ECH1: variants seen among roughly 807,000 people sequenced by gnomAD.
ECH1 encodes delta(3,5)-Delta(2,4)-dienoyl-CoA isomerase, mitochondrial.
In ECH1, 30 loss-of-function variants were observed where a neutral mutation model predicts 37.0. The observed-to-expected ratio is 0.81, with a 90% CI of 0.61 to 1.10. The LOEUF is 1.10. Among genes scored for constraint, ECH1 ranks in the 50% least tolerant of loss-of-function variants. The pLI is 0.00. For missense variants in ECH1, 456 were observed against 441.6 expected (o/e 1.03, Z -0.29); for synonymous variants, 178 against 176.0 (o/e 1.01, Z -0.09).
chr19:38,831,301 G>A lies in ECH1; in HGVS notation c.260+8C>T. The A allele has an allele frequency of 6.2e-7, 1 of 1,608,946 alleles. No individual in the cohort carries two copies. The highest frequency in any genetic ancestry group is 1.1e-5 in the South Asian group (1 of 90,676). On this transcript the variant is annotated splice_region_variant and intron_variant, in intron 2 of 9. Transcript: ENST00000221418. Reference sequence around the variant, plus strand: ...CGCAGGCAGGCCTCCAGGATCTGCAGGTCAGACCTCCAGAAGACCTTGTTC... The same window carrying A: ...CGCAGGCAGGCCTCCAGGATCTGCAAGTCAGACCTCCAGAAGACCTTGTTC...
intron 3 of ECH1, chr19:38,818,991 G>A (rs1971622107): frequency 3.0e-6 from 1 of 333,224 alleles, no homozygotes; most frequent in Non-Finnish European, 4.2e-6. Flanking sequence ...GTGTGTGTGT[G>A]TGTGTGTGTG....
Position 38,831,504 on chromosome 19 carries a change from G to T in ECH1, c.65C>A (p.Ser22Tyr). The change falls in exon 2 of 10, where the codon TCC (serine) becomes TAC (tyrosine). Residue 22 changes from serine to tyrosine, a missense_variant. By Grantham distance (144) the Ser-to-Tyr change is moderately radical (BLOSUM62 -2). Coordinates refer to ENST00000221418, the MANE Select transcript of ECH1 (RefSeq NM_001398.3). Reference protein sequence around the residue: ...RDLLTRRLTGSNYPGLSISLR... With the variant: ...RDLLTRRLTGYNYPGLSISLR... ...GCTAATACTGAGTCCCGGGTAGTTG[G>T]AGCCTGTCAGTCCTGGGGAGAAAGG... is the stretch of plus-strand genomic sequence containing the variant. The T allele has an allele frequency of 2.5e-6, 4 of 1,613,820 alleles. No homozygotes were observed. The highest frequency in any genetic ancestry group is 3.4e-6 in the Non-Finnish European group (4 of 1,179,864).
At position 38,815,613 on chromosome 19, in the gene ECH1, T is replaced by G; in HGVS notation, c.987A>C (p.Ter329CysextTer26). Residue 329 changes from the stop codon to cysteine (C), a stop_lost, in exon 10 of 10, where the codon TGA becomes TGC. Coordinates refer to ENST00000221418, the MANE Select transcript of ECH1 (RefSeq NM_001398.3). ...GCTGGGGCCTGGGACGCGAGGGCTC[T>G]CAGAGCTTGGAGAAGGTGACGGTTT... ...ELKTVTFSKL[*>C] The G allele has an allele frequency of 6.2e-7, 1 of 1,614,178 alleles. No homozygotes were observed. Among genetic ancestry groups the G allele is most frequent in the East Asian group, 2.2e-5 (1 of 44,878 alleles).
intron 3 of ECH1, chr19:38,818,493 A>G (rs923430427): frequency 1.6e-6 from 1 of 639,112 alleles, no homozygotes; most frequent in African/African-American, 2.0e-5. Flanking sequence ...TTTTTATTTT[A>G]TTTTTTTTAT....
intron 3 of ECH1, among the ~76,000 whole-genome samples, chr19:38,825,120 C>G (rs1460468106): frequency 6.6e-6 from 1 of 152,198 alleles, no homozygotes; most frequent in Non-Finnish European, 1.5e-5. Flanking sequence ...AAGAATGCAG[C>G]TTTAGCTGCA....
intron 3 of ECH1, among the ~76,000 whole-genome samples, chr19:38,822,630 C>T (rs999544416): frequency 1.3e-5 from 2 of 152,210 alleles, no homozygotes; most frequent in African/African-American, 2.4e-5. Flanking sequence ...ATGCACCAAT[C>T]AGTGCTCTGT....
intron 3 of ECH1, among the ~76,000 whole-genome samples, chr19:38,821,007 G>A (rs951590347): frequency 3.9e-5 from 6 of 152,226 alleles, no homozygotes; most frequent in East Asian, 1.9e-4. Flanking sequence ...GGCTGGGTGC[G>A]GTGGCTCATG....
intron 3 of ECH1, among the ~76,000 whole-genome samples, chr19:38,829,788 C>T (rs2047140032): frequency 6.6e-6 from 1 of 151,462 alleles, no homozygotes; most frequent in Admixed American, 6.6e-5. Context: ...TGCACTCCAG[C>T]CTGGGTGACA....
Position 38,817,008 on chromosome 19 carries a change from C to T in ECH1, c.588+57G>A, listed in dbSNP as rs897543131. On this transcript the variant is annotated intron_variant, in intron 6 of 9. Transcript: ENST00000221418. ...TGAAGCCCTCGAGGCTCACTCCAGG[C>T]CCCCCAACCTCACCCCACTGCCCAG... 7.2e-6 allele frequency: 11 copies of T among 1,537,034 alleles called. No individual in the cohort carries two copies. In the East Asian group the frequency reaches 1.7e-4, roughly 24 times the overall value.
chr19:38,818,527 C>T (rs759518880), intron 3 of ECH1: 9 of 418,100 alleles, frequency 2.2e-5, no homozygotes, highest in South Asian at 2.0e-4. Flanking sequence ...TCGCTCTTGT[C>T]GCCCAGGCTG....
In ECH1 at chr19:38,815,856, C is replaced by T. The variant is rs1193761193; in HGVS notation, c.882+1G>A. On this transcript the variant is annotated splice_donor_variant, in intron 9 of 9. Coordinates refer to ENST00000221418, the MANE Select transcript of ECH1 (RefSeq NM_001398.3). LOFTEE classifies it high-confidence loss of function. ...GTGATTGGTCGGAGCGTGCACCTTACCACGTAGTTGAGGCTCTCGGCCACC... is the reference window on the plus strand; with the variant it reads ...GTGATTGGTCGGAGCGTGCACCTTATCACGTAGTTGAGGCTCTCGGCCACC... 1 of 1,614,058 alleles carries T rather than the reference C, an allele frequency of 6.2e-7. No individual in the cohort carries two copies. The highest frequency in any genetic ancestry group is 8.5e-7 in the Non-Finnish European group (1 of 1,180,040).
At chr19:38,818,388 C>T (rs764520151) in intron 3 of ECH1, 21 of 985,320 alleles carry the variant, frequency 2.1e-5, no homozygotes, top group Non-Finnish European at 2.5e-5. Flanking sequence ...CATGAGCCCA[C>T]CCTGCTCTCC....
At chr19:38,817,033 G>A (rs1441660468) in intron 6 of ECH1, 32 bp downstream of exon 6, 7 of 1,555,512 alleles carry the variant, frequency 4.5e-6, no homozygotes, top group African/African-American at 2.7e-5. Context: ...CCACTGCCCA[G>A]CTCTAAGCAG....
chr19:38,831,432 G>A lies in ECH1; in HGVS notation c.137C>T (p.Ala46Val). 6.2e-7 allele frequency: 1 copy of A among 1,614,074 alleles called. No individual in the cohort carries two copies. The highest frequency in any genetic ancestry group is 8.5e-7 in the Non-Finnish European group (1 of 1,180,020). ...GCTGTGGTCTGGGGCTTCACCGAGG[G>A]CTACTCCGGAAGCCTCCTCTTGTGC... Reference protein sequence around the residue: ...SSAQEEASGVALGEAPDHSYE... With the variant: ...SSAQEEASGVVLGEAPDHSYE... Residue 46 changes from alanine to valine, a missense_variant, in exon 2 of 10, where the codon GCC becomes GTC. Physicochemically the swap from Ala to Val is moderately conservative, Grantham distance 64. Coordinates refer to ENST00000221418, the MANE Select transcript of ECH1 (RefSeq NM_001398.3).
chr19:38,817,283 A>T, intron 5 of ECH1, 33 bp downstream of exon 5: 1 of 1,532,008 alleles, frequency 6.5e-7, no homozygotes, highest in African/African-American at 1.4e-5. Context: ...CCACCTGGGG[A>T]GCACCCGAGC....
chr19:38,824,078 C>T (rs1302755728), intron 3 of ECH1, among the ~76,000 whole-genome samples: 1 of 152,136 alleles, frequency 6.6e-6, no homozygotes. Flanking sequence ...TTGTAGCTTT[C>T]CTATTCATAT....
intron 5 of ECH1, 72 bp downstream of exon 5, chr19:38,817,235 GGCTGGATGC>G: frequency 6.5e-7 from 1 of 1,538,484 alleles, no homozygotes; most frequent in Non-Finnish European, 8.8e-7. Context: ...ACAGAGCTGA[GGCTGGATGC>G]CAGTGGCCGC....
At chr19:38,828,110 C>T (rs539550813) in intron 3 of ECH1, among the ~76,000 whole-genome samples, 2 of 152,278 alleles carry the variant, frequency 1.3e-5, no homozygotes, top group South Asian at 2.1e-4. Context: ...TACCAAAACA[C>T]GAAACTCAAC....
chr19:38,816,656 C>A, intron 6 of ECH1, 133 bp from the exon 7 acceptor site: 1 of 1,109,024 alleles, frequency 9.0e-7, no homozygotes. Context: ...TCCAAAGTCC[C>A]ATTCCATTGC....
Sources: allele counts gnomAD v4.1 joint callset (sites outside exome capture counted in the v4.1 genomes callset), GRCh38; gene constraint gnomAD v4.1.1; transcripts MANE v1.5; gene names NCBI Gene and HGNC (gene_info 2026-07-23, HGNC 2026-07-21).